FBXL17: variants seen among roughly 807,000 people sequenced by gnomAD.
FBXL17 encodes F-box/LRR-repeat protein 17.
Under a neutral mutation model 66.2 loss-of-function variants are expected in FBXL17, and 22 were observed. The ratio of observed to expected loss-of-function variants is 0.33; its 90% CI spans 0.24 to 0.47. The LOEUF (loss-of-function observed/expected upper bound fraction) is 0.47. FBXL17 is among the 20% of genes least tolerant of loss of function. The pLI is 1.00. For missense variants in FBXL17, 878 were observed against 948.2 expected, an observed-to-expected ratio of 0.93 and a Z score of 0.97; for synonymous variants, 474 against 400.5, an observed-to-expected ratio of 1.18 and a Z score of -2.19.
chr5:107,980,982 C>T (rs1346519259), intron 7 of FBXL17, among the ~76,000 whole-genome samples: 2 of 152,046 alleles, frequency 1.3e-5, no homozygotes, highest in Non-Finnish European at 2.9e-5. Flanking sequence ...TTTACTACAT[C>T]TCCTTAGTAC....
intron 6 of FBXL17, among the ~76,000 whole-genome samples, chr5:108,033,409 G>A (rs1037946784): frequency 1.3e-5 from 2 of 151,892 alleles, no homozygotes; most frequent in African/African-American, 4.8e-5. Flanking sequence ...AAAAGCAATC[G>A]GTTTTGACAA....
At chr5:108,322,462 T>C (rs2150221286) in intron 4 of FBXL17, among the ~76,000 whole-genome samples, 1 of 152,084 alleles carries the variant, frequency 6.6e-6, no homozygotes, top group South Asian at 2.1e-4. Flanking sequence ...AATATCATCC[T>C]GTTCTTTGTG....
chr5:107,906,979 C>T (rs1749782507), intron 7 of FBXL17, among the ~76,000 whole-genome samples: 1 of 152,164 alleles, frequency 6.6e-6, no homozygotes, highest in African/African-American at 2.4e-5. Context: ...AATGCAAGGG[C>T]AGACATTTTC....
intron 4 of FBXL17, among the ~76,000 whole-genome samples, chr5:108,248,566 A>C (rs1388806220): frequency 3.3e-5 from 5 of 152,178 alleles, no homozygotes. Context: ...AAATGTCCCC[A>C]AATTTGGTAA....
chr5:108,153,172 T>C (rs1232422928), intron 6 of FBXL17, among the ~76,000 whole-genome samples: 2 of 152,192 alleles, frequency 1.3e-5, no homozygotes, highest in East Asian at 1.9e-4. Flanking sequence ...TCTTTCTTCA[T>C]AAATTACCCA....
intron 6 of FBXL17, among the ~76,000 whole-genome samples, chr5:108,060,028 T>C (rs1385481614): frequency 6.6e-6 from 1 of 150,542 alleles, no homozygotes; most frequent in African/African-American, 2.4e-5. Context: ...CCTGAATATA[T>C]ATATTTACAT....
At chr5:108,222,804 G>C (rs1754927113) in intron 5 of FBXL17, among the ~76,000 whole-genome samples, 1 of 150,638 alleles carries the variant, frequency 6.6e-6, no homozygotes, top group Non-Finnish European at 1.5e-5. Context: ...CTCCCAAGTA[G>C]CTGGGATTAC....
At chr5:108,349,989 A>G (rs996287309) in intron 3 of FBXL17, among the ~76,000 whole-genome samples, 3 of 152,236 alleles carry the variant, frequency 2.0e-5, no homozygotes, top group African/African-American at 7.2e-5. Context: ...TCACTGTTGC[A>G]GATACCTTGA....
intron 4 of FBXL17, among the ~76,000 whole-genome samples, chr5:108,267,841 C>G (rs1382840326): frequency 6.6e-6 from 1 of 152,030 alleles, no homozygotes. Flanking sequence ...GGGGAAGTGA[C>G]ATTTGAGCTG....
intron 4 of FBXL17, among the ~76,000 whole-genome samples, chr5:108,289,328 T>G (rs931797011): frequency 5.3e-5 from 8 of 152,184 alleles, no homozygotes; most frequent in African/African-American, 1.9e-4. Flanking sequence ...AAGACGTTCC[T>G]TGAATTAGGA....
At chr5:108,084,492 C>A (rs1351280945) in intron 6 of FBXL17, among the ~76,000 whole-genome samples, 3 of 152,304 alleles carry the variant, frequency 2.0e-5, no homozygotes, top group Middle Eastern at 3.4e-3. Flanking sequence ...AGATAATAAG[C>A]CTGCAGGGCC....
chr5:107,896,325 TA>T lies in FBXL17; in HGVS notation c.1823-15147del, dbSNP rs1016187692. On this transcript the variant is annotated intron_variant, in intron 7 of 8. Coordinates refer to ENST00000542267, the MANE Select transcript of FBXL17 (RefSeq NM_001163315.3). Reference sequence around the variant, plus strand: ...CTTCATGCAAAATAACAAAGGAGATTAAAAAAAAAGATGAGTAAAAGAAAGT... The same window carrying T: ...CTTCATGCAAAATAACAAAGGAGATTAAAAAAAAGATGAGTAAAAGAAAGT... Among the ~76,000 whole-genome samples the T allele has an allele frequency of 1.2e-3, 177 of 151,060 alleles. 1 individual carries two copies. Among genetic ancestry groups the T allele is most frequent in the African/African-American group, 4.2e-3 (173 of 41,270 alleles).
At chr5:108,197,866 A>G (rs1435259637) in intron 5 of FBXL17, among the ~76,000 whole-genome samples, 1 of 152,070 alleles carries the variant, frequency 6.6e-6, no homozygotes, top group Non-Finnish European at 1.5e-5. Flanking sequence ...CACATGGAAA[A>G]TCTCATGGCC....
At position 107,859,483 on chromosome 5, in the gene FBXL17, T is replaced by C. The variant is rs1467116063; in HGVS notation, c.*2237A>G. 1 of 149,006 alleles carries C rather than the reference T, an allele frequency of 6.7e-6. No individual in the cohort carries two copies. Among genetic ancestry groups the C allele is most frequent in the Non-Finnish European group, 1.5e-5 (1 of 67,572 alleles). 9.2% of individuals were successfully genotyped at this position (149,006 alleles called of 1,614,324 possible). A position where few individuals can be genotyped will look rare whatever the true frequency, so the allele number is the denominator to read the frequency against. ...TTTCTACAAATGTACCAAAGCAGTT[T>C]TCCAGATTATGTTGCATCAGGCTTT... On this transcript the variant is annotated 3_prime_UTR_variant, in exon 9 of 9. Coordinates refer to ENST00000542267, the MANE Select transcript of FBXL17 (RefSeq NM_001163315.3).
intron 6 of FBXL17, among the ~76,000 whole-genome samples, chr5:108,133,481 A>G (rs1751014801): frequency 6.6e-6 from 1 of 152,178 alleles, no homozygotes; most frequent in Non-Finnish European, 1.5e-5. Flanking sequence ...TATTTACTCC[A>G]TTCAGTCATT....
At chr5:108,292,126 C>T (rs950001792) in intron 4 of FBXL17, among the ~76,000 whole-genome samples, 1 of 143,570 alleles carries the variant, frequency 7.0e-6, no homozygotes, top group South Asian at 2.2e-4. Context: ...AACGAAAAAG[C>T]TTTTTTTTTT....
At chr5:108,079,728 T>G (rs1748693718) in intron 6 of FBXL17, among the ~76,000 whole-genome samples, 1 of 152,188 alleles carries the variant, frequency 6.6e-6, no homozygotes, top group Non-Finnish European at 1.5e-5. Context: ...GCAATGAGGT[T>G]TTAAGGATTA....
At chr5:108,306,350 C>T (rs559847109) in intron 4 of FBXL17, among the ~76,000 whole-genome samples, 1 of 152,162 alleles carries the variant, frequency 6.6e-6, no homozygotes, top group East Asian at 1.9e-4. Flanking sequence ...CTTTTTAGCA[C>T]ACTGTAGTCT....
chr5:107,909,112 AC>A (rs1259720493), intron 7 of FBXL17, among the ~76,000 whole-genome samples: 1 of 152,224 alleles, frequency 6.6e-6, no homozygotes, highest in Non-Finnish European at 1.5e-5. Context: ...TAAAAAATGA[AC>A]AAAATTAAAT....
Sources: gnomAD v4.1 joint callset for allele counts (sites outside exome capture counted in the v4.1 genomes callset) on GRCh38, gnomAD v4.1.1 for gene constraint, MANE v1.5 for transcripts, NCBI Gene and HGNC (gene_info 2026-07-23, HGNC 2026-07-21) for gene names.